Variants in POU6F2 observed in about 807,000 individuals in gnomAD.
POU6F2 encodes POU domain, class 6, transcription factor 2.
A neutral mutation model predicts 71.3 loss-of-function variants in POU6F2; 31 were observed. The observed-to-expected ratio is 0.43, with a 90% CI of 0.33 to 0.59. POU6F2 has a LOEUF of 0.59. Among genes scored for constraint, POU6F2 ranks in the 20% least tolerant of loss-of-function variants. The pLI is 0.04. For missense variants in POU6F2, 783 were observed against 856.8 expected (o/e 0.91, Z 1.07); for synonymous variants, 347 against 355.7 (o/e 0.98, Z 0.27).
At chr7:39,131,316 G>A (rs1792273388) in intron 2 of POU6F2, among the ~76,000 whole-genome samples, 1 of 152,076 alleles carries the variant, frequency 6.6e-6, no homozygotes, top group African/African-American at 2.4e-5. Context: ...CCGCATTTCC[G>A]ATTTTTTACA....
intron 1 of POU6F2, among the ~76,000 whole-genome samples, chr7:39,041,513 A>G (rs991187409): frequency 6.6e-6 from 1 of 151,860 alleles, no homozygotes; most frequent in Non-Finnish European, 1.5e-5. Context: ...AAATTTTCTA[A>G]TTTTATAGGC....
At chr7:39,292,693 T>C (rs4530944) in intron 4 of POU6F2, among the ~76,000 whole-genome samples, 69,128 of 152,130 alleles carry the variant, frequency 0.45, 16,598 homozygotes, top group Admixed American at 0.59. Flanking sequence ...ATGGGGAGTT[T>C]TTCTTGCCTT....
chr7:39,255,266 A>T, intron 4 of POU6F2, among the ~76,000 whole-genome samples: 1 of 152,236 alleles, frequency 6.6e-6, no homozygotes, highest in East Asian at 1.9e-4. Flanking sequence ...ATTGGAAATA[A>T]TACGTGGTGA....
At chr7:39,345,282 T>A (rs1786008218) in intron 5 of POU6F2, among the ~76,000 whole-genome samples, 1 of 152,194 alleles carries the variant, frequency 6.6e-6, no homozygotes, top group Non-Finnish European at 1.5e-5. Flanking sequence ...GCCTCATTCA[T>A]CTCACCCTCA....
At chr7:39,160,504 T>C (rs1792972727) in intron 2 of POU6F2, among the ~76,000 whole-genome samples, 1 of 152,094 alleles carries the variant, frequency 6.6e-6, no homozygotes, top group South Asian at 2.1e-4. Context: ...ACACCTCAGC[T>C]ATCAACAAGA....
At chr7:39,213,524 T>C (rs987267892) in intron 4 of POU6F2, among the ~76,000 whole-genome samples, 1 of 152,220 alleles carries the variant, frequency 6.6e-6, no homozygotes, top group East Asian at 1.9e-4. Flanking sequence ...CATTTAATTA[T>C]CTCTAAAAGA....
intron 4 of POU6F2, among the ~76,000 whole-genome samples, chr7:39,257,487 A>G (rs868085379): frequency 1.3e-5 from 2 of 152,208 alleles, no homozygotes; most frequent in South Asian, 2.1e-4. Context: ...ATTGTTTGTT[A>G]TCTAGAAACA....
intron 4 of POU6F2, among the ~76,000 whole-genome samples, chr7:39,321,431 G>A (rs7803241): frequency 0.049 from 7,471 of 152,262 alleles, 253 homozygotes; most frequent in African/African-American, 0.091. Context: ...GTGAAATGAC[G>A]TGCAGTGGGC....
At chr7:39,202,071 G>A (rs1257769493) in intron 2 of POU6F2, among the ~76,000 whole-genome samples, 4 of 152,288 alleles carry the variant, frequency 2.6e-5, no homozygotes, top group East Asian at 1.9e-4. Flanking sequence ...TGCACTGAAC[G>A]TGGTTTTTGA....
At chr7:39,150,225 C>CTGTGTGTGTGTGTGTGTGTGTGTGTG (rs60761447) in intron 2 of POU6F2, among the ~76,000 whole-genome samples, 12 of 141,160 alleles carry the variant, frequency 8.5e-5, no homozygotes, top group African/African-American at 3.2e-4. Context: ...AGTAATATGT[C>CTGTGTGTGTGTGTGTGTGTGTGTGTG]TGTGTGTGTG....
chr7:39,201,579 T>C (rs1392122245), intron 2 of POU6F2, among the ~76,000 whole-genome samples: 1 of 152,206 alleles, frequency 6.6e-6, no homozygotes, highest in Non-Finnish European at 1.5e-5. Flanking sequence ...AGTTGCTGCC[T>C]CAAAAGCATA....
At chr7:39,149,371 TTTTA>T (rs781212234) in intron 2 of POU6F2, among the ~76,000 whole-genome samples, 1 of 152,218 alleles carries the variant, frequency 6.6e-6, no homozygotes, top group South Asian at 2.1e-4. Context: ...TATCCAGTGT[TTTTA>T]TTTATTTGTT....
intron 5 of POU6F2, among the ~76,000 whole-genome samples, chr7:39,384,843 G>C (rs1290300128): frequency 6.6e-6 from 1 of 152,168 alleles, no homozygotes; most frequent in Non-Finnish European, 1.5e-5. Flanking sequence ...CATACACACA[G>C]AATGGAAGCA....
At chr7:39,056,644 CT>C (rs142917727) in intron 1 of POU6F2, among the ~76,000 whole-genome samples, 1 of 142,230 alleles carries the variant, frequency 7.0e-6, no homozygotes, top group Non-Finnish European at 1.5e-5. Context: ...CTCTCTTTCT[CT>C]TTTTCTCTCT....
intron 2 of POU6F2, among the ~76,000 whole-genome samples, chr7:39,134,466 G>C (rs914317351): frequency 6.6e-6 from 1 of 152,176 alleles, no homozygotes; most frequent in Non-Finnish European, 1.5e-5. Flanking sequence ...TAATGGTGAT[G>C]AGAGATCATG....
intron 4 of POU6F2, among the ~76,000 whole-genome samples, chr7:39,330,181 A>G (rs1479433022): frequency 6.6e-6 from 1 of 152,162 alleles, no homozygotes; most frequent in Admixed American, 6.5e-5. Context: ...TCTGTCTTTT[A>G]TTAACTTGAT....
intron 1 of POU6F2, among the ~76,000 whole-genome samples, chr7:39,080,173 T>C (rs1791087678): frequency 6.6e-6 from 1 of 152,184 alleles, no homozygotes; most frequent in African/African-American, 2.4e-5. Flanking sequence ...AAATATTGAA[T>C]GATGAAAAAT....
At chr7:39,461,224 T>C (rs1223778839) in intron 9 of POU6F2, among the ~76,000 whole-genome samples, 2 of 152,156 alleles carry the variant, frequency 1.3e-5, no homozygotes, top group East Asian at 3.8e-4. Context: ...AAAGCACATT[T>C]ATAAGAAATA....
chr7:39,307,499 A>G (rs1419202009), intron 4 of POU6F2, among the ~76,000 whole-genome samples: 4 of 152,218 alleles, frequency 2.6e-5, no homozygotes, highest in African/African-American at 9.7e-5. Context: ...AAATTGTGCA[A>G]TCTCAATTTC....
Sources: allele counts gnomAD v4.1 joint callset (sites outside exome capture counted in the v4.1 genomes callset), GRCh38; gene constraint gnomAD v4.1.1; transcripts MANE v1.5; gene names NCBI Gene and HGNC (gene_info 2026-07-23, HGNC 2026-07-21).